The following ZNF398 variants were observed in gnomAD, a reference collection of about 807,000 sequenced individuals.
ZNF398 encodes the protein zinc finger DNA binding protein ZER6.
ZNF398 carries 18 observed loss-of-function variants against 41.9 expected under a neutral mutation model. The ratio of observed to expected loss-of-function variants is 0.43; its 90% CI spans 0.30 to 0.64. The LOEUF (loss-of-function observed/expected upper bound fraction) is 0.64. Ranked by LOEUF, ZNF398 falls within the 30% of genes least tolerant of loss-of-function variation. ZNF398 has a pLI of 0.14. For synonymous variants in ZNF398, 260 were observed against 308.8 expected, an observed-to-expected ratio of 0.84 and a Z score of 1.66; for missense variants, 669 against 822.8, an observed-to-expected ratio of 0.81 and a Z score of 2.29.
At chr7:149,153,440 T>C (rs1219716496) in intron 1 of ZNF398, among the ~76,000 whole-genome samples, 2 of 152,248 alleles carry the variant, frequency 1.3e-5, no homozygotes, top group African/African-American at 2.4e-5. Context: ...TTCTGTTTTG[T>C]AACCCTCATT....
At chr7:149,177,568 G>T (rs1321797595) in intron 5 of ZNF398, among the ~76,000 whole-genome samples, 1 of 152,174 alleles carries the variant, frequency 6.6e-6, no homozygotes, top group Non-Finnish European at 1.5e-5. Context: ...TGGGGAGAGA[G>T]GGGTAGCATT....
chr7:149,156,434 G>A (rs1300648706), intron 2 of ZNF398, among the ~76,000 whole-genome samples: 10 of 139,746 alleles, frequency 7.2e-5, no homozygotes, highest in Non-Finnish European at 1.6e-4. Context: ...TTGAAGTTGA[G>A]GGGGAGGTTG....
At chr7:149,176,401 C>T (rs1264303995) in intron 4 of ZNF398, 67 bp from the exon 5 acceptor site, 1 of 1,094,198 alleles carries the variant, frequency 9.1e-7, no homozygotes, top group African/African-American at 1.5e-5. Flanking sequence ...TTCAGCAAAC[C>T]AACTTGATTA....
upstream of ZNF398, among the ~76,000 whole-genome samples, chr7:149,143,492 GA>G (rs775661567): frequency 1.3e-5 from 2 of 152,208 alleles, no homozygotes; most frequent in Non-Finnish European, 2.9e-5. Context: ...TCAAGATGCA[GA>G]TGGAAACTGG....
rs1563166289 is a variant in ZNF398 at position 149,175,366 on chromosome 7, CAT to C, written c.662-1098_662-1097del. Among the ~76,000 whole-genome samples, 3 of 151,992 alleles carry C rather than the reference CAT, an allele frequency of 2.0e-5. No individual in the cohort carries two copies. The East Asian group carries it at 5.8e-4, about 29-fold the overall frequency. ...TCCAAAAAAAAAAAAATAATAAAGCCATATAGGCCTAGGTTGTAATAGCTAGC... is the reference window on the plus strand; with the variant it reads ...TCCAAAAAAAAAAAAATAATAAAGCCATAGGCCTAGGTTGTAATAGCTAGC... On this transcript the variant is annotated intron_variant, in intron 4 of 5. Coordinates refer to ENST00000475153, the MANE Select transcript of ZNF398 (RefSeq NM_170686.3).
At chr7:149,157,797 C>T (rs1232721425) in intron 2 of ZNF398, among the ~76,000 whole-genome samples, 2 of 148,252 alleles carry the variant, frequency 1.3e-5, no homozygotes, top group Non-Finnish European at 3.0e-5. Context: ...GAGATCGTGC[C>T]ACTGCACTCC....
chr7:149,139,791 G>A (rs959241315), intron 2 of ZNF398, among the ~76,000 whole-genome samples: 1 of 151,508 alleles, frequency 6.6e-6, no homozygotes, highest in Non-Finnish European at 1.5e-5. Flanking sequence ...GGATCACGAG[G>A]TCAGGAGATC....
chr7:149,143,897 T>G (rs1826879803), upstream of ZNF398, among the ~76,000 whole-genome samples: 1 of 152,196 alleles, frequency 6.6e-6, no homozygotes, highest in African/African-American at 2.4e-5. Flanking sequence ...TAGGACAATT[T>G]TTTTCTCTAG....
Position 149,147,786 on chromosome 7 carries a change from A to G in ZNF398, c.24+20A>G, listed in dbSNP as rs1221296957. The stretch of plus-strand genomic sequence containing the variant: ...GCCCCGGTAAGGGCGGCCGCGCGCG[A>G]GTGTTGTGAGCCCCCGAGACCCAGA... On this transcript the variant is annotated intron_variant, in intron 1 of 5. Coordinates refer to ENST00000475153, the MANE Select transcript of ZNF398 (RefSeq NM_170686.3). The surrounding 1 kb of genome is among the most constrained non-coding windows in gnomAD (Gnocchi z 5.6). 6.5e-6 allele frequency: 9 copies of G among 1,392,578 alleles called. No individual in the cohort carries two copies. The African/African-American group carries it at 1.4e-4, about 21-fold the overall frequency. The allele number at this position is 1,392,578 out of a possible 1,614,324, so 86.3% of individuals were successfully genotyped here.
At position 149,141,447 on chromosome 7, in the gene ZNF398, C is replaced by CTTTTTTTTTT. The variant is rs35331670; in HGVS notation, c.-489-12490_-489-12489insTTTTTTTTTT. Among the ~76,000 whole-genome samples, 92 of 116,850 alleles carry CTTTTTTTTTT rather than the reference C, an allele frequency of 7.9e-4. 3 individuals carry two copies. Among genetic ancestry groups the CTTTTTTTTTT allele is most frequent in the East Asian group, 1.0e-3 (3 of 2,950 alleles). The allele number at this position is 116,850 out of a possible 152,430, so 76.7% of individuals were successfully genotyped here. ...AGTAGCTAGGATTACAGCTACTTTT[C>CTTTTTTTTTT]TTTTTTTTCTTTTTTTTTTTTTTTT... On this transcript the variant is annotated intron_variant, in intron 2 of 6. Transcript: ENST00000426851.
At chr7:149,146,228 T>A (rs1826934624), upstream of ZNF398, among the ~76,000 whole-genome samples, 1 of 149,602 alleles carries the variant, frequency 6.7e-6, no homozygotes, top group Admixed American at 6.7e-5. Context: ...CGTGAGCCAC[T>A]GCGCTCGGCC....
chr7:149,131,710 C>CA (rs1826599105), intron 2 of ZNF398, among the ~76,000 whole-genome samples: 1 of 151,968 alleles, frequency 6.6e-6, no homozygotes, highest in Middle Eastern at 3.2e-3. Flanking sequence ...AACAAACAAA[C>CA]AAAAAACATA....
intron 2 of ZNF398, among the ~76,000 whole-genome samples, chr7:149,161,459 G>A (rs1315198084): frequency 6.6e-6 from 1 of 152,180 alleles, no homozygotes; most frequent in Non-Finnish European, 1.5e-5. Context: ...CAGCTACTCA[G>A]GAAGCTGAAA....
intron 2 of ZNF398, among the ~76,000 whole-genome samples, chr7:149,162,511 A>G (rs1184326154): frequency 6.6e-6 from 1 of 151,954 alleles, no homozygotes; most frequent in East Asian, 1.9e-4. Context: ...AAATTTCTTT[A>G]TACAGACAGG....
At chr7:149,136,553 T>G (rs981953584) in intron 2 of ZNF398, among the ~76,000 whole-genome samples, 1 of 152,190 alleles carries the variant, frequency 6.6e-6, no homozygotes, top group Admixed American at 6.6e-5. Context: ...AAACTTTTTC[T>G]ATCTTCATTT....
At chr7:149,129,390 ATTTTT>A (rs1379513308) in intron 2 of ZNF398, among the ~76,000 whole-genome samples, 3 of 151,490 alleles carry the variant, frequency 2.0e-5, no homozygotes, top group Non-Finnish European at 4.4e-5. Flanking sequence ...TTTTATTGTT[ATTTTT>A]TTGAGACGGA....
rs760182277 is a variant in ZNF398 at position 149,179,155 on chromosome 7, C to T, written c.1283C>T (p.Pro428Leu). The T allele has an allele frequency of 1.2e-6, 2 of 1,613,964 alleles. No homozygotes were observed. Among genetic ancestry groups the T allele is most frequent in the Non-Finnish European group, 1.7e-6 (2 of 1,180,016 alleles). The change falls in exon 6 of 6, where the codon CCC becomes CTC. Residue 428 changes from proline to leucine, a missense_variant. Physicochemically the swap from Pro to Leu is moderately conservative, Grantham distance 98 (BLOSUM62 -3). Coordinates refer to ENST00000475153, the MANE Select transcript of ZNF398 (RefSeq NM_170686.3). The surrounding 1 kb of genome is among the most constrained non-coding windows in gnomAD (Gnocchi z 6.1). Reference sequence around the variant, plus strand: ...CATAACAGCACTGAGCGTCCTTTCCCCTGTCCTGATTGCCCCAAGCGCTTT... The same window carrying T: ...CATAACAGCACTGAGCGTCCTTTCCTCTGTCCTGATTGCCCCAAGCGCTTT... The part of the protein sequence containing the change: ...RVHNSTERPF[P>L]CPDCPKRFAD...
chr7:149,145,064 G>C (rs565009811), upstream of ZNF398, among the ~76,000 whole-genome samples: 7 of 152,178 alleles, frequency 4.6e-5, no homozygotes, highest in African/African-American at 1.4e-4. Flanking sequence ...CCAAATTACG[G>C]ACTGCATATG....
At chr7:149,153,153 C>G (rs143151055) in intron 1 of ZNF398, among the ~76,000 whole-genome samples, 2 of 152,092 alleles carry the variant, frequency 1.3e-5, no homozygotes, top group Non-Finnish European at 2.9e-5. Context: ...GCCACCGCAC[C>G]GGCAAGAATT....
Sources: gnomAD v4.1 joint callset for allele counts (sites outside exome capture counted in the v4.1 genomes callset) on GRCh38, gnomAD v4.1.1 for gene constraint, Gnocchi (gnomAD v3.1) non-coding constraint, MANE v1.5 for transcripts, NCBI Gene and HGNC (gene_info 2026-07-23, HGNC 2026-07-21) for gene names.